PPM1E: variants seen among roughly 807,000 people sequenced by gnomAD.
The protein encoded by PPM1E is protein phosphatase, Mg2+/Mn2+ dependent 1E, also known as protein phosphatase 1E.
Under a neutral mutation model 65.9 loss-of-function variants are expected in PPM1E, and 20 were observed. That is an observed-to-expected ratio of 0.30 (90% confidence interval 0.21 to 0.44). The LOEUF (loss-of-function observed/expected upper bound fraction) is 0.44. PPM1E is among the 20% of genes least tolerant of loss of function. PPM1E has a pLI of 1.00. For missense variants in PPM1E, 713 were observed against 953.1 expected, an observed-to-expected ratio of 0.75 and a Z score of 3.32; for synonymous variants, 352 against 374.9, an observed-to-expected ratio of 0.94 and a Z score of 0.70.
At chr17:58,887,396 A>G (rs2051285773) in intron 1 of PPM1E, among the ~76,000 whole-genome samples, 1 of 151,972 alleles carries the variant, frequency 6.6e-6, no homozygotes, top group Non-Finnish European at 1.5e-5. Context: ...TGAACTCCCG[A>G]CCTCAGGTGA....
At chr17:58,834,937 G>A (rs2050639441) in intron 1 of PPM1E, among the ~76,000 whole-genome samples, 1 of 151,908 alleles carries the variant, frequency 6.6e-6, no homozygotes, top group Admixed American at 6.6e-5. Flanking sequence ...ATTTTTATAG[G>A]AATTGCATTA....
At chr17:58,951,013 C>T (rs909827526) in intron 1 of PPM1E, among the ~76,000 whole-genome samples, 32 of 152,064 alleles carry the variant, frequency 2.1e-4, no homozygotes, top group Non-Finnish European at 7.4e-5. Context: ...CTCCTGACCT[C>T]GTGATCTGCC....
At position 58,755,932 on chromosome 17, in the gene PPM1E, C is replaced by T. The variant is rs930213388; in HGVS notation, c.-66C>T. The T allele has an allele frequency of 5.0e-6, 8 of 1,599,550 alleles. No homozygotes were observed. Among genetic ancestry groups the T allele is most frequent in the Non-Finnish European group, 6.8e-6 (8 of 1,172,512 alleles). On this transcript the variant is annotated 5_prime_UTR_variant, in exon 1 of 7. Coordinates refer to ENST00000308249, the MANE Select transcript of PPM1E (RefSeq NM_014906.5). ...CTTGCCGGAGCCCTAGGCTCAAAAG[C>T]AGCCCCTTACCCTTCCTGGGCTTCC...
intron 1 of PPM1E, among the ~76,000 whole-genome samples, chr17:58,793,581 C>T (rs1034035544): frequency 6.6e-6 from 1 of 151,850 alleles, no homozygotes; most frequent in African/African-American, 2.4e-5. Context: ...TGGTCTCGAT[C>T]TCCTGACCTG....
intron 3 of PPM1E, among the ~76,000 whole-genome samples, chr17:58,967,518 A>G (rs1260111525): frequency 6.9e-6 from 1 of 144,390 alleles, no homozygotes; most frequent in Non-Finnish European, 1.5e-5. Context: ...ATATATATAT[A>G]TAGAGAGAGA....
intron 1 of PPM1E, among the ~76,000 whole-genome samples, chr17:58,891,179 T>C (rs928500223): frequency 6.6e-6 from 1 of 152,114 alleles, no homozygotes; most frequent in African/African-American, 2.4e-5. Context: ...TTGGTCAGGG[T>C]GGTCTCAAAC....
Position 58,945,390 on chromosome 17 carries a change from G to A in PPM1E, c.465-10259G>A, listed in dbSNP as rs575653099. Among the ~76,000 whole-genome samples the A allele has an allele frequency of 6.6e-5, 10 of 152,262 alleles. No homozygotes were observed. The South Asian group carries it at 1.7e-3, about 25-fold the overall frequency. ...ACTCCTGACCTCAGGTGATCGTCCC[G>A]CCTTGGCCTCCCAAAGTGTTGGGAT... On this transcript the variant is annotated intron_variant, in intron 1 of 6. Coordinates refer to ENST00000308249, the MANE Select transcript of PPM1E (RefSeq NM_014906.5).
chr17:58,891,831 TC>T (rs1467809172), intron 1 of PPM1E, among the ~76,000 whole-genome samples: 1 of 120,482 alleles, frequency 8.3e-6, no homozygotes, highest in African/African-American at 3.3e-5. Flanking sequence ...TTTTTCTTTT[TC>T]TTTTTTTTTT....
chr17:58,913,815 A>G (rs2051655651), intron 1 of PPM1E, among the ~76,000 whole-genome samples: 1 of 152,072 alleles, frequency 6.6e-6, no homozygotes, highest in Non-Finnish European at 1.5e-5. Context: ...CCCAAACATG[A>G]ATCTTAGGTT....
chr17:58,763,849 T>C (rs1467881645), intron 1 of PPM1E, among the ~76,000 whole-genome samples: 1 of 152,128 alleles, frequency 6.6e-6, no homozygotes, highest in Non-Finnish European at 1.5e-5. Flanking sequence ...TAGGGCATTT[T>C]AGAAGAGGGC....
intron 1 of PPM1E, among the ~76,000 whole-genome samples, chr17:58,943,836 G>A (rs1193217918): frequency 6.6e-6 from 1 of 152,162 alleles, no homozygotes; most frequent in Non-Finnish European, 1.5e-5. Context: ...TAGAATGTAA[G>A]CTCTAAGAGG....
chr17:58,960,765 C>CA (rs58614877), intron 2 of PPM1E, among the ~76,000 whole-genome samples: 9,055 of 68,368 alleles, frequency 0.13, 685 homozygotes, highest in African/African-American at 0.3. Flanking sequence ...GACTCTGTCT[C>CA]AAAAAAAAAA....
intron 1 of PPM1E, among the ~76,000 whole-genome samples, chr17:58,789,490 T>C (rs1295572028): frequency 6.6e-6 from 1 of 152,156 alleles, no homozygotes; most frequent in East Asian, 1.9e-4. Context: ...AGTAGTAGGT[T>C]AAATTTACAC....
At chr17:58,825,381 G>A (rs918121848) in intron 1 of PPM1E, among the ~76,000 whole-genome samples, 16 of 151,796 alleles carry the variant, frequency 1.1e-4, no homozygotes, top group African/African-American at 3.4e-4. Context: ...ACCAGCCTCG[G>A]CAATATTAGT....
intron 1 of PPM1E, among the ~76,000 whole-genome samples, chr17:58,927,700 A>C (rs928141718): frequency 6.6e-6 from 1 of 152,088 alleles, no homozygotes; most frequent in African/African-American, 2.4e-5. Flanking sequence ...GCTTGAGCCC[A>C]GTTCAAGACC....
chr17:58,901,721 A>T (rs1290870407), intron 1 of PPM1E, among the ~76,000 whole-genome samples: 1 of 151,982 alleles, frequency 6.6e-6, no homozygotes, highest in African/African-American at 2.4e-5. Context: ...TCACACCTAT[A>T]ATCCCAGCAC....
chr17:58,914,352 TA>T (rs1479128330), intron 1 of PPM1E, among the ~76,000 whole-genome samples: 1 of 152,226 alleles, frequency 6.6e-6, no homozygotes, highest in Non-Finnish European at 1.5e-5. Flanking sequence ...CAATCCAGGA[TA>T]CTACATTGCA....
chr17:58,947,293 G>A (rs1274676610), intron 1 of PPM1E, among the ~76,000 whole-genome samples: 1 of 133,434 alleles, frequency 7.5e-6, no homozygotes, highest in South Asian at 2.4e-4. Flanking sequence ...CTGGAGTGCA[G>A]TGACGTGATC....
At chr17:58,969,905 A>G (rs2030485657) in intron 4 of PPM1E, among the ~76,000 whole-genome samples, 178 bp downstream of exon 4, 1 of 152,168 alleles carries the variant, frequency 6.6e-6, no homozygotes, top group Non-Finnish European at 1.5e-5. Flanking sequence ...GAAGAGTTTC[A>G]GGGGGTACAA....
Sources: gnomAD v4.1 joint callset for allele counts (sites outside exome capture counted in the v4.1 genomes callset) on GRCh38, gnomAD v4.1.1 for gene constraint, MANE v1.5 for transcripts, NCBI Gene and HGNC (gene_info 2026-07-23, HGNC 2026-07-21) for gene names.